The following RPSA2 variants were observed in gnomAD, a reference collection of about 807,000 sequenced individuals.
RPSA2 encodes the protein ribosomal protein SA 2, also known as small ribosomal subunit protein uS2B.
the RPSA2 span, among the ~76,000 whole-genome samples, chr19:23,804,263 T>C: frequency 6.6e-6 from 1 of 151,972 alleles, no homozygotes; most frequent in Non-Finnish European, 1.5e-5. Context: ...GACTGCTGAA[T>C]ATAAGGGACT....
chr19:23,858,502 G>A, the RPSA2 span, among the ~76,000 whole-genome samples: 1 of 152,184 alleles, frequency 6.6e-6, no homozygotes, highest in Non-Finnish European at 1.5e-5. Context: ...TGTAGATACA[G>A]GAGTTAGAAA....
chr19:23,792,817 GT>G, the RPSA2 span, among the ~76,000 whole-genome samples: 1 of 151,992 alleles, frequency 6.6e-6, no homozygotes, highest in Non-Finnish European at 1.5e-5. Flanking sequence ...CAGGCCAAGA[GT>G]TTTAAAGATT....
At chr19:23,813,161 G>A in the RPSA2 span, among the ~76,000 whole-genome samples, 2 of 148,414 alleles carry the variant, frequency 1.3e-5, no homozygotes. Flanking sequence ...TTGAGCCTGG[G>A]ACTGTGAGGC....
At chr19:23,819,970 A>C in the RPSA2 span, among the ~76,000 whole-genome samples, 1 of 152,240 alleles carries the variant, frequency 6.6e-6, no homozygotes, top group Non-Finnish European at 1.5e-5. Flanking sequence ...AGTCAGGGGC[A>C]GTCGAAATCC....
the RPSA2 span, chr19:23,809,207 T>C: frequency 6.6e-6 from 1 of 152,276 alleles, no homozygotes; most frequent in East Asian, 1.9e-4. Context: ...TGACGGTTTC[T>C]GTTTCACTGG....
At chr19:23,848,835 G>A in the RPSA2 span, among the ~76,000 whole-genome samples, 2,495 of 152,286 alleles carry the variant, frequency 0.016, 30 homozygotes, top group South Asian at 0.032. Flanking sequence ...GCCAATCATT[G>A]ACAAAATGAG....
At chr19:23,774,742 T>C in the RPSA2 span, among the ~76,000 whole-genome samples, 2 of 152,204 alleles carry the variant, frequency 1.3e-5, no homozygotes, top group Non-Finnish European at 2.9e-5. Flanking sequence ...GGGAGCATTG[T>C]GACATATCAC....
At chr19:23,784,255 A>G in the RPSA2 span, among the ~76,000 whole-genome samples, 1 of 152,226 alleles carries the variant, frequency 6.6e-6, no homozygotes, top group African/African-American at 2.4e-5. Context: ...GTTATAGAGA[A>G]TGTCATAACA....
the RPSA2 span, among the ~76,000 whole-genome samples, chr19:23,785,516 T>A: frequency 6.6e-6 from 1 of 152,174 alleles, no homozygotes; most frequent in East Asian, 1.9e-4. Context: ...CATGGCCTTT[T>A]ACCATAGAAA....
the RPSA2 span, chr19:23,843,197 C>A: frequency 8.1e-6 from 2 of 245,944 alleles, no homozygotes; most frequent in African/African-American, 2.3e-5. Context: ...TGTCTCTGTA[C>A]CTGATCTGAT....
At chr19:23,775,268 A>G in the RPSA2 span, among the ~76,000 whole-genome samples, 2 of 152,226 alleles carry the variant, frequency 1.3e-5, no homozygotes, top group Non-Finnish European at 2.9e-5. Context: ...AGGTGGATGC[A>G]GTGCAGAGTT....
chr19:23,767,710 A>G, the RPSA2 span, among the ~76,000 whole-genome samples: 1 of 150,022 alleles, frequency 6.7e-6, no homozygotes, highest in Non-Finnish European at 1.5e-5. Context: ...CAGCACTGCC[A>G]CTTCCTGAGT....
chr19:23,786,510 G>C, the RPSA2 span, among the ~76,000 whole-genome samples: 1 of 152,166 alleles, frequency 6.6e-6, no homozygotes, highest in Admixed American at 6.5e-5. Context: ...CATGTTATGT[G>C]ACTCTCCCAA....
chr19:23,798,282 T>A, the RPSA2 span, among the ~76,000 whole-genome samples: 1 of 152,174 alleles, frequency 6.6e-6, no homozygotes, highest in Admixed American at 6.5e-5. Context: ...GTAATTTGAT[T>A]GACAGAAACC....
chr19:23,780,631 ACTCCGTCT>A, the RPSA2 span, among the ~76,000 whole-genome samples: 1 of 143,572 alleles, frequency 7.0e-6, no homozygotes. Flanking sequence ...CAACAGTGAG[ACTCCGTCT>A]CAAACAAAAC....
the RPSA2 span, among the ~76,000 whole-genome samples, chr19:23,786,779 G>T: frequency 6.6e-6 from 1 of 151,756 alleles, no homozygotes; most frequent in East Asian, 1.9e-4. Flanking sequence ...TTCAGGCTCC[G>T]CATATTTGGG....
the RPSA2 span, among the ~76,000 whole-genome samples, chr19:23,817,168 G>A: frequency 6.6e-6 from 1 of 152,124 alleles, no homozygotes; most frequent in Non-Finnish European, 1.5e-5. Flanking sequence ...GATAACCTGA[G>A]GTCAGGAGTT....
At chr19:23,817,515 T>C in the RPSA2 span, 5 of 152,276 alleles carry the variant, frequency 3.3e-5, no homozygotes, top group Non-Finnish European at 5.9e-5. Flanking sequence ...TAAAGACTTC[T>C]ATATTTGTAT....
the RPSA2 span, among the ~76,000 whole-genome samples, chr19:23,776,337 G>T: frequency 1.3e-5 from 2 of 152,054 alleles, no homozygotes; most frequent in African/African-American, 4.8e-5. Flanking sequence ...TTTCCACATG[G>T]GGCATTTGGA....
Sources: allele counts gnomAD v4.1 joint callset (sites outside exome capture counted in the v4.1 genomes callset), GRCh38; gene constraint gnomAD v4.1.1; transcripts MANE v1.5; gene names NCBI Gene and HGNC (gene_info 2026-07-23, HGNC 2026-07-21).